The following TRUB2 variants were observed in gnomAD, a reference collection of about 807,000 sequenced individuals.
TRUB2 encodes TruB pseudouridine synthase family member 2.
TRUB2 carries 31 observed loss-of-function variants against 31.9 expected under a neutral mutation model. The observed-to-expected ratio is 0.97, with a 90% CI of 0.73 to 1.31. The LOEUF (loss-of-function observed/expected upper bound fraction) is 1.31. Among genes scored for constraint, TRUB2 ranks in the 50% most tolerant of loss-of-function variants. TRUB2 has a pLI of 0.00. For missense variants in TRUB2, 451 were observed against 439.6 expected (o/e 1.03, Z -0.23); for synonymous variants, 201 against 182.6 (o/e 1.10, Z -0.81).
intron 5 of TRUB2, among the ~76,000 whole-genome samples, chr9:128,313,353 C>T (rs1490301454): frequency 1.3e-5 from 2 of 150,442 alleles, no homozygotes; most frequent in Admixed American, 6.6e-5. Context: ...GGTGAAACCC[C>T]GTCTCCCATC....
rs549370892 is a variant in TRUB2, at chr9:128,317,849, C to A, written c.242-623G>T. Among the ~76,000 whole-genome samples, 9 of 152,286 alleles carry A rather than the reference C, an allele frequency of 5.9e-5. No individual in the cohort carries two copies. In the South Asian group the frequency reaches 1.0e-3, roughly 18 times the overall value. On this transcript the variant is annotated intron_variant, in intron 2 of 7. Transcript: ENST00000372890. The stretch of plus-strand genomic sequence containing the variant: ...TACTTGGGGGAAGCTTAACACAATG[C>A]CTAGTACAGAGTGGCGACTCAATAC...
intron 2 of TRUB2, among the ~76,000 whole-genome samples, 183 bp downstream of exon 2, chr9:128,321,416 C>T (rs28636742): frequency 0.05 from 7,570 of 152,282 alleles, 335 homozygotes; most frequent in African/African-American, 0.12. Context: ...AATCACATGG[C>T]CTGAAAACTA....
intron 2 of TRUB2, among the ~76,000 whole-genome samples, chr9:128,321,361 T>G (rs1051258400): frequency 6.6e-6 from 1 of 152,244 alleles, no homozygotes; most frequent in Non-Finnish European, 1.5e-5. Context: ...ATACTGTCTA[T>G]AGCTGTTTGG....
intron 2 of TRUB2, 25 bp from the exon 3 acceptor site, chr9:128,317,251 T>C: frequency 6.3e-7 from 1 of 1,577,066 alleles, no homozygotes; most frequent in Non-Finnish European, 8.6e-7. Context: ...ACAAGGTCCA[T>C]TTTCTCAACT....
rs1831939915 is a variant in TRUB2 at position 128,309,933 on chromosome 9, T to C, written c.671-58A>G. The C allele has an allele frequency of 1.9e-6, 3 of 1,557,892 alleles. No individual in the cohort carries two copies. The South Asian group carries it at 3.6e-5, about 19-fold the overall frequency. ...TGAGAGCACAGCCTCTAGTGTGTGG[T>C]TGTGAACGCACACCCCTTGGATACC... On this transcript the variant is annotated intron_variant, in intron 7 of 7. Coordinates refer to ENST00000372890, the MANE Select transcript of TRUB2 (RefSeq NM_015679.3).
At chr9:128,314,199 A>C (rs1350605911) in intron 4 of TRUB2, among the ~76,000 whole-genome samples, 2 of 152,120 alleles carry the variant, frequency 1.3e-5, no homozygotes, top group African/African-American at 4.8e-5. Flanking sequence ...GGCTTCCTAC[A>C]AGACTGCTGG....
intron 2 of TRUB2, among the ~76,000 whole-genome samples, chr9:128,318,502 G>A (rs941347306): frequency 6.1e-5 from 9 of 148,422 alleles, no homozygotes; most frequent in Non-Finnish European, 1.2e-4. Flanking sequence ...ACTGAAGACT[G>A]TTTTTTTTTT....
Position 128,306,106 on chromosome 9 carries a change from C to T in TRUB2, c.*3444G>A, listed in dbSNP as rs1474893719. 1.3e-5 allele frequency: 2 copies of T among 152,174 alleles called. No homozygotes were observed. Among genetic ancestry groups the T allele is most frequent in the Non-Finnish European group, 2.9e-5 (2 of 68,024 alleles). 9.4% of individuals were successfully genotyped at this position (152,174 alleles called of 1,614,324 possible). ...TCCATCCGTCTCAGAGTTAAAGACA[C>T]AGGATAAGGAAAACATCTCCTTATC... On this transcript the variant is annotated 3_prime_UTR_variant, in exon 8 of 8. Coordinates refer to ENST00000372890, the MANE Select transcript of TRUB2 (RefSeq NM_015679.3).
At position 128,322,386 on chromosome 9, in the gene TRUB2, CG is replaced by C. The variant is rs752674420; in HGVS notation, c.22del (p.Arg8GlyfsTer14). On this transcript the variant is annotated frameshift_variant, in exon 1 of 8. Coordinates refer to ENST00000372890, the MANE Select transcript of TRUB2 (RefSeq NM_015679.3). LOFTEE classifies it high-confidence loss of function. MGSAGLS[R>X]LHGLFAVYKP... ...ATAGACCGCGAAAAGCCCATGCAGC[CG>C]CGACAAGCCAGCAGACCCCATACTT... 3 of 1,614,128 alleles carry C rather than the reference CG, an allele frequency of 1.9e-6. No homozygotes were observed. In the South Asian group the frequency reaches 3.3e-5, roughly 18 times the overall value.
At chr9:128,310,832 G>A in intron 7 of TRUB2, 55 bp downstream of exon 7, 1 of 1,606,356 alleles carries the variant, frequency 6.2e-7, no homozygotes, top group Non-Finnish European at 8.5e-7. Flanking sequence ...GTTCCTGAGT[G>A]ACTCCCAAAC....
In TRUB2 at chr9:128,309,618, G is replaced by A. The variant is rs1175324110; in HGVS notation, c.928C>T (p.Pro310Ser). The A allele has an allele frequency of 1.9e-6, 3 of 1,614,088 alleles. No homozygotes were observed. The highest frequency in any genetic ancestry group is 1.7e-5 in the Admixed American group (1 of 59,996). The change falls in exon 8 of 8, where the codon CCG becomes TCG. Residue 310 changes from proline to serine, a missense_variant. Transcript: ENST00000372890. ...PGLDTKQLPS[P>S]GWSWDSQGPS... ...CCCTGGGAGTCCCAGGACCATCCCG[G>A]ACTGGGGAGCTGCTTGGTGTCCAGC...
chr9:128,311,007 G>A lies in TRUB2; in HGVS notation c.550C>T (p.Leu184=). The A allele has an allele frequency of 6.2e-7, 1 of 1,614,082 alleles. No homozygotes were observed. The highest frequency in any genetic ancestry group is 1.3e-5 in the African/African-American group (1 of 75,034). ...ATCTCATAGGCCTCCTGGGTCTTCA[G>A]GTCGAGGTTGGAGTACCTGCAGATC... ...KALVMYSNLD[L]KTQEAYEMAV... Residue 184 remains leucine (L), a synonymous_variant, in exon 7 of 8, where the codon CTG becomes TTG. Transcript: ENST00000372890.
In TRUB2 at chr9:128,322,387, G is replaced by C. The variant is rs778266043; in HGVS notation, c.22C>G (p.Arg8Gly). Residue 8 changes from arginine (R) to glycine (G), a missense_variant, in exon 1 of 8, where the codon CGG becomes GGG. Coordinates refer to ENST00000372890, the MANE Select transcript of TRUB2 (RefSeq NM_015679.3). MGSAGLS[R>G]LHGLFAVYKP... ...TAGACCGCGAAAAGCCCATGCAGCCGCGACAAGCCAGCAGACCCCATACTT... is the reference window on the plus strand; with the variant it reads ...TAGACCGCGAAAAGCCCATGCAGCCCCGACAAGCCAGCAGACCCCATACTT... The C allele has an allele frequency of 3.7e-6, 6 of 1,613,976 alleles. No homozygotes were observed. Among genetic ancestry groups the C allele is most frequent in the Non-Finnish European group, 5.1e-6 (6 of 1,180,032 alleles).
intron 2 of TRUB2, among the ~76,000 whole-genome samples, chr9:128,318,004 A>T (rs1409775089): frequency 1.3e-5 from 2 of 152,200 alleles, no homozygotes; most frequent in African/African-American, 4.8e-5. Context: ...ATGGGGACAC[A>T]TTACCAGAAC....
intron 3 of TRUB2, chr9:128,316,806 G>A (rs2131451539): frequency 4.4e-6 from 1 of 227,100 alleles, no homozygotes; most frequent in East Asian, 1.2e-4. Context: ...GGTATTCACT[G>A]GCCATGGGAC....
chr9:128,316,036 C>A (rs887987264), intron 3 of TRUB2: 2 of 209,020 alleles, frequency 9.6e-6, no homozygotes, highest in Non-Finnish European at 2.0e-5. Context: ...GAAGGCCAGG[C>A]GCAGTGGCTC....
intron 2 of TRUB2, among the ~76,000 whole-genome samples, chr9:128,319,210 C>T (rs1286432816): frequency 6.6e-6 from 1 of 151,870 alleles, no homozygotes; most frequent in Non-Finnish European, 1.5e-5. Context: ...CCTGTAGTCC[C>T]AGCTACTCGG....
intron 2 of TRUB2, among the ~76,000 whole-genome samples, chr9:128,318,061 C>T (rs979599043): frequency 5.9e-5 from 9 of 152,004 alleles, no homozygotes; most frequent in African/African-American, 1.2e-4. Context: ...ATCACTCTTT[C>T]GGCTGGGCGC....
intron 5 of TRUB2, among the ~76,000 whole-genome samples, chr9:128,312,336 C>T (rs1482626075): frequency 6.6e-6 from 1 of 151,646 alleles, no homozygotes; most frequent in African/African-American, 2.4e-5. Flanking sequence ...CGGGGTTTCA[C>T]CATGTTGGCC....
Sources: gnomAD v4.1 joint callset for allele counts (sites outside exome capture counted in the v4.1 genomes callset) on GRCh38, gnomAD v4.1.1 for gene constraint, MANE v1.5 for transcripts, NCBI Gene and HGNC (gene_info 2026-07-23, HGNC 2026-07-21) for gene names.